Variants in GULP1 observed in about 807,000 individuals in gnomAD.
GULP1 encodes PTB domain-containing engulfment adapter protein 1.
A neutral mutation model predicts 40.9 loss-of-function variants in GULP1; 19 were observed. That is an observed-to-expected ratio of 0.46 (90% confidence interval 0.32 to 0.68). The LOEUF is 0.68. Among genes scored for constraint, GULP1 ranks in the 30% least tolerant of loss-of-function variants. The probability of loss-of-function intolerance (pLI) is 0.03; values close to 1 mark genes in which losing one functional copy is unlikely to be tolerated. For missense variants in GULP1, 312 were observed against 362.2 expected, an observed-to-expected ratio of 0.86 and a Z score of 1.12; for synonymous variants, 119 against 117.6, an observed-to-expected ratio of 1.01 and a Z score of -0.08.
chr2:188,492,709 G>GA (rs1054667719), intron 4 of GULP1, among the ~76,000 whole-genome samples: 1 of 151,506 alleles, frequency 6.6e-6, no homozygotes, highest in Admixed American at 6.6e-5. Context: ...TTTAACAGAA[G>GA]AAAAAAAAGT....
intron 6 of GULP1, 26 bp from the exon 7 acceptor site, chr2:188,541,155 A>G (rs1433016806): frequency 1.2e-5 from 19 of 1,596,934 alleles, no homozygotes; most frequent in Non-Finnish European, 1.5e-5. Context: ...CCCATCAACT[A>G]TGTTTATTTC....
intron 2 of GULP1, among the ~76,000 whole-genome samples, chr2:188,428,282 T>G (rs1040513458): frequency 1.3e-5 from 2 of 152,168 alleles, no homozygotes; most frequent in Non-Finnish European, 2.9e-5. Context: ...TGACCTTGGA[T>G]TTTTGACTTA....
At chr2:188,474,800 G>T (rs1249329322) in intron 2 of GULP1, among the ~76,000 whole-genome samples, 1 of 152,062 alleles carries the variant, frequency 6.6e-6, no homozygotes, top group Non-Finnish European at 1.5e-5. Flanking sequence ...CTGCCATCTT[G>T]TTCTGCCTCC....
chr2:188,408,282 G>A (rs1044426342), intron 2 of GULP1, among the ~76,000 whole-genome samples: 2 of 152,078 alleles, frequency 1.3e-5, no homozygotes, highest in Non-Finnish European at 2.9e-5. Context: ...CTAGAACTGC[G>A]AGTTAAATAA....
At chr2:188,569,100 C>T in intron 7 of GULP1, 139 bp from the exon 8 acceptor site, 1 of 592,210 alleles carries the variant, frequency 1.7e-6, no homozygotes, top group Non-Finnish European at 3.1e-6. Context: ...TTTAATACAT[C>T]TCTACTCCCA....
chr2:188,526,740 T>C (rs1487546565), intron 5 of GULP1, among the ~76,000 whole-genome samples: 2 of 152,134 alleles, frequency 1.3e-5, no homozygotes, highest in Non-Finnish European at 2.9e-5. Context: ...TGCATGAAGG[T>C]AGAACTGGGA....
chr2:188,375,050 A>G (rs1469137385), intron 1 of GULP1, among the ~76,000 whole-genome samples: 1 of 152,188 alleles, frequency 6.6e-6, no homozygotes, highest in Admixed American at 6.5e-5. Flanking sequence ...ACCAATCATC[A>G]TATAAAATAT....
At chr2:188,503,713 C>T (rs2063650839) in intron 4 of GULP1, among the ~76,000 whole-genome samples, 1 of 151,900 alleles carries the variant, frequency 6.6e-6, no homozygotes. Context: ...TTTCTTGTAA[C>T]CATAACTAGA....
chr2:188,487,413 T>C (rs2153079774), intron 4 of GULP1, among the ~76,000 whole-genome samples: 1 of 152,104 alleles, frequency 6.6e-6, no homozygotes, highest in Admixed American at 6.6e-5. Flanking sequence ...AGAGAGTGAG[T>C]ATTCCTTGAT....
chr2:188,543,205 A>T (rs1691002669), intron 7 of GULP1, among the ~76,000 whole-genome samples: 3 of 152,262 alleles, frequency 2.0e-5, no homozygotes, highest in Admixed American at 2.0e-4. Context: ...AAAAATAAAT[A>T]AAAAAAGATT....
At chr2:188,525,153 T>G (rs527942217) in intron 5 of GULP1, among the ~76,000 whole-genome samples, 165 of 152,180 alleles carry the variant, frequency 1.1e-3, no homozygotes, top group Non-Finnish European at 1.9e-3. Context: ...TTATAAGTAT[T>G]AACCTTTTAA....
chr2:188,336,076 A>T (rs950211276), intron 1 of GULP1, among the ~76,000 whole-genome samples: 1 of 152,218 alleles, frequency 6.6e-6, no homozygotes, highest in Non-Finnish European at 1.5e-5. Context: ...ATATGATTAT[A>T]TTTAATTCTC....
rs868116776 is a variant in GULP1, at chr2:188,567,962, G to A, written c.400-1277G>A. Among the ~76,000 whole-genome samples, 8 of 152,018 alleles carry A rather than the reference G, an allele frequency of 5.3e-5. No individual in the cohort carries two copies. The South Asian group carries it at 1.7e-3, about 32-fold the overall frequency. On this transcript the variant is annotated intron_variant, in intron 7 of 11. Transcript: ENST00000409830. ...TAAGTCAATGAACATGCATACATTGGTATCTGTCATTTTCATTTATTTGGT... is the reference window on the plus strand; with the variant it reads ...TAAGTCAATGAACATGCATACATTGATATCTGTCATTTTCATTTATTTGGT...
At chr2:188,394,949 T>A (rs2051027900) in intron 2 of GULP1, among the ~76,000 whole-genome samples, 1 of 152,234 alleles carries the variant, frequency 6.6e-6, no homozygotes, top group Non-Finnish European at 1.5e-5. Flanking sequence ...TCCCCTGTGC[T>A]GTGAACATTT....
At chr2:188,391,122 A>AT (rs1308028948) in intron 2 of GULP1, among the ~76,000 whole-genome samples, 8 of 151,468 alleles carry the variant, frequency 5.3e-5, no homozygotes, top group Middle Eastern at 6.8e-3. Flanking sequence ...GAATTTCAGG[A>AT]TTTTTTTTCT....
chr2:188,435,802 G>T (rs1222026902), intron 2 of GULP1, among the ~76,000 whole-genome samples: 1 of 151,974 alleles, frequency 6.6e-6, no homozygotes, highest in East Asian at 1.9e-4. Flanking sequence ...AGAGACAAAG[G>T]CTGTACTTTT....
intron 4 of GULP1, among the ~76,000 whole-genome samples, chr2:188,488,382 C>G (rs2062045196): frequency 6.6e-6 from 1 of 151,986 alleles, no homozygotes; most frequent in African/African-American, 2.4e-5. Flanking sequence ...AGATTAATAA[C>G]TACAAATATC....
chr2:188,563,719 C>A (rs959964710), intron 7 of GULP1, among the ~76,000 whole-genome samples: 2 of 151,442 alleles, frequency 1.3e-5, no homozygotes, highest in African/African-American at 2.4e-5. Flanking sequence ...TTTAAAATAC[C>A]AATTATACAT....
Position 188,403,753 on chromosome 2 carries a change from C to T in GULP1, c.-45+19864C>T, listed in dbSNP as rs2052650446. Among the ~76,000 whole-genome samples, 12 of 152,128 alleles carry T rather than the reference C, an allele frequency of 7.9e-5. No individual in the cohort carries two copies. The South Asian group carries it at 2.5e-3, about 31-fold the overall frequency. On this transcript the variant is annotated intron_variant, in intron 2 of 11. Coordinates refer to ENST00000409830, the MANE Select transcript of GULP1 (RefSeq NM_016315.4). The stretch of plus-strand genomic sequence containing the variant: ...GTACCATACTGAGAAATGGTAGGCT[C>T]CTGATTTTTGGAATAGCAGTGAGCC...
Sources: gnomAD v4.1 joint callset for allele counts (sites outside exome capture counted in the v4.1 genomes callset) on GRCh38, gnomAD v4.1.1 for gene constraint, MANE v1.5 for transcripts, NCBI Gene and HGNC (gene_info 2026-07-23, HGNC 2026-07-21) for gene names.